The following XRCC1 variants were observed in gnomAD, a reference collection of about 807,000 sequenced individuals.
The protein encoded by XRCC1 is X-ray repair cross complementing 1, also known as DNA repair protein XRCC1.
A neutral mutation model predicts 83.3 loss-of-function variants in XRCC1; 52 were observed. That is an observed-to-expected ratio of 0.62 (90% CI 0.50 to 0.79). The LOEUF (loss-of-function observed/expected upper bound fraction) is 0.79, where lower values mean the gene tolerates loss of function less well. Among genes scored for constraint, XRCC1 ranks in the 30% least tolerant of loss-of-function variants. XRCC1 has a pLI of 0.00. For synonymous variants in XRCC1, 281 were observed against 312.6 expected (o/e 0.90, Z 1.07); for missense variants, 793 against 823.5 (o/e 0.96, Z 0.45).
rs1385854979 is a variant in XRCC1, at chr19:43,574,213, T to C, written c.144+697A>G. 3.9e-5 allele frequency among the ~76,000 whole-genome samples: 6 copies of C among 152,086 alleles called. No individual in the cohort carries two copies. In the East Asian group the frequency reaches 7.8e-4, roughly 20 times the overall value. ...ACCTCAGACTCGCCAGTAGCTGGGA[T>C]TGCAGGTGCACACCACCATACTCAG... is the stretch of plus-strand genomic sequence containing the variant. On this transcript the variant is annotated intron_variant, in intron 2 of 16. Transcript: ENST00000262887.
rs908553691 is a variant in XRCC1 at position 43,573,023 on chromosome 19, T to C, written c.144+1887A>G. ...TCACAGTTCACTGCAGCTTCAACCT[T>C]ATGGGCTCAATCAATCCTCCCCGCT... On this transcript the variant is annotated intron_variant, in intron 2 of 16. Coordinates refer to ENST00000262887, the MANE Select transcript of XRCC1 (RefSeq NM_006297.3). 2.0e-4 allele frequency among the ~76,000 whole-genome samples: 29 copies of C among 147,446 alleles called. No homozygotes were observed. The East Asian group carries it at 5.3e-3, about 27-fold the overall frequency.
chr19:43,554,854 A>G (rs942094272), intron 3 of XRCC1, 50 bp from the exon 4 acceptor site: 1 of 1,578,460 alleles, frequency 6.3e-7, no homozygotes, highest in African/African-American at 1.4e-5. Flanking sequence ...GTTGGCTTAG[A>G]TGAGAGCTTC....
intron 8 of XRCC1, 39 bp from the exon 9 acceptor site, chr19:43,552,314 G>C: frequency 6.8e-7 from 1 of 1,472,278 alleles, no homozygotes; most frequent in Non-Finnish European, 9.2e-7. Context: ...AGCACCACTG[G>C]GGGTCAACCC....
At chr19:43,545,247 A>G (rs552022748) in intron 14 of XRCC1, among the ~76,000 whole-genome samples, 4 of 152,016 alleles carry the variant, frequency 2.6e-5, no homozygotes, top group African/African-American at 9.7e-5. Context: ...TGCTCCCTTC[A>G]TTCTCGAAGA....
chr19:43,566,707 C>T (rs905397234), intron 2 of XRCC1, among the ~76,000 whole-genome samples: 10 of 151,310 alleles, frequency 6.6e-5, no homozygotes, highest in African/African-American at 2.4e-4. Context: ...GGCGAAACCC[C>T]GTCTCTACTA....
intron 10 of XRCC1, among the ~76,000 whole-genome samples, chr19:43,551,294 C>T (rs916269688): frequency 1.3e-5 from 2 of 152,206 alleles, no homozygotes; most frequent in African/African-American, 4.8e-5. Context: ...AATATGGACC[C>T]TAACACTTGT....
intron 10 of XRCC1, among the ~76,000 whole-genome samples, chr19:43,548,218 C>T (rs1385774085): frequency 6.6e-6 from 1 of 152,032 alleles, no homozygotes; most frequent in Non-Finnish European, 1.5e-5. Flanking sequence ...TGCCCGGCCG[C>T]CCCTTCTGGG....
intron 3 of XRCC1, among the ~76,000 whole-genome samples, chr19:43,557,792 CAAAAAAAAAAAAAAAAA>C (rs35267441): frequency 2.4e-5 from 1 of 41,002 alleles, no homozygotes; most frequent in Admixed American, 3.9e-4. Context: ...AATTCCATCT[CAAAAAAAAAAAAAAAAA>C]AAAAAAAAAA....
At chr19:43,563,774 T>C (rs915041104) in intron 2 of XRCC1, among the ~76,000 whole-genome samples, 2 of 152,096 alleles carry the variant, frequency 1.3e-5, no homozygotes, top group African/African-American at 4.8e-5. Context: ...GCCCCCTACC[T>C]GGTGCCACTC....
intron 3 of XRCC1, among the ~76,000 whole-genome samples, chr19:43,557,792 C>CAAAAAAAAAA (rs35267441): frequency 1.2e-4 from 5 of 41,014 alleles, no homozygotes; most frequent in African/African-American, 1.6e-4. Context: ...AATTCCATCT[C>CAAAAAAAAAA]AAAAAAAAAA....
chr19:43,572,513 A>G (rs1972814729), intron 2 of XRCC1, among the ~76,000 whole-genome samples: 1 of 152,236 alleles, frequency 6.6e-6, no homozygotes, highest in South Asian at 2.1e-4. Context: ...TCACAGTTTA[A>G]AAGACTGAGG....
In XRCC1 at chr19:43,552,245, G is replaced by A; in HGVS notation, c.854C>T (p.Ala285Val). The A allele has an allele frequency of 1.2e-6, 2 of 1,611,464 alleles. No homozygotes were observed. The highest frequency in any genetic ancestry group is 8.5e-7 in the Non-Finnish European group (1 of 1,179,164). ...CCCCTGTGCTCGGGCAGGGACTGGG[G>A]CTGTGGCTGGGGTACGAGTTGGAGC... Reference protein sequence around the residue: ...LPAPTRTPATAPVPARAQGAV... With the variant: ...LPAPTRTPATVPVPARAQGAV... The change falls in exon 9 of 17, where the codon GCC becomes GTC. Residue 285 changes from alanine to valine, a missense_variant. Transcript: ENST00000262887.
intron 2 of XRCC1, 71 bp downstream of exon 2, chr19:43,574,839 G>C: frequency 1.6e-6 from 2 of 1,288,278 alleles, no homozygotes; most frequent in Non-Finnish European, 2.3e-6. Context: ...ACTGCCAGTT[G>C]GCTCAGGAGC....
chr19:43,561,102 G>C (rs1972694695), intron 2 of XRCC1, 82 bp from the exon 3 acceptor site: 1 of 1,093,074 alleles, frequency 9.1e-7, no homozygotes, highest in South Asian at 1.3e-5. Flanking sequence ...ATCTCCTTTG[G>C]ATCACCATGT....
intron 2 of XRCC1, among the ~76,000 whole-genome samples, chr19:43,562,695 T>A (rs1268462648): frequency 6.6e-6 from 1 of 152,082 alleles, no homozygotes; most frequent in South Asian, 2.1e-4. Flanking sequence ...CAGTGAGTCA[T>A]GTTCGCATCA....
chr19:43,551,557 G>A lies in XRCC1; in HGVS notation c.1199+14C>T, dbSNP rs56069074. On this transcript the variant is annotated intron_variant, in intron 10 of 16. Coordinates refer to ENST00000262887, the MANE Select transcript of XRCC1 (RefSeq NM_006297.3). ...GCACAGGATAAGGAGCAGGGTTGGC[G>A]TGTGAGGCCTTACCTCTGGGAGGGC... The A allele has an allele frequency of 1.1e-4, 172 of 1,605,960 alleles. No individual in the cohort carries two copies. In the East Asian group the frequency reaches 2.0e-3, roughly 19 times the overall value.
chr19:43,575,452 C>T lies in XRCC1; in HGVS notation c.7G>A (p.Glu3Lys), dbSNP rs778759395. 1 of 1,612,266 alleles carries T rather than the reference C, an allele frequency of 6.2e-7. No homozygotes were observed. The highest frequency in any genetic ancestry group is 8.5e-7 in the Non-Finnish European group (1 of 1,178,686). The change falls in exon 1 of 17, where the codon GAG (glutamate) becomes AAG (lysine). Residue 3 changes from glutamate to lysine, a missense_variant. Physicochemically the swap from Glu to Lys is moderately conservative, Grantham distance 56. Transcript: ENST00000262887. ...GACACGACATGGCGGAGGCGGATCT[C>T]CGGCATGTCAACGTCGTGGGCTTCG... The part of the protein sequence containing the change: MP[E>K]IRLRHVVSCS...
In XRCC1 at chr19:43,552,815, C is replaced by T; in HGVS notation, c.805G>A (p.Val269Ile). ...AGCTCACATTTAGGTCTCTTGGGAA[C>T]AGATGGCGACAGCTGGGCTGGTGGT... ...SKPPAQLSPS[V>I]PKRPKLPAPT... The change falls in exon 8 of 17, where the codon GTT (valine) becomes ATT (isoleucine). Residue 269 changes from valine to isoleucine, a missense_variant. By Grantham distance (29) the Val-to-Ile change is conservative (BLOSUM62 3). Transcript: ENST00000262887. The T allele has an allele frequency of 6.2e-7, 1 of 1,610,286 alleles. No individual in the cohort carries two copies. Among genetic ancestry groups the T allele is most frequent in the Middle Eastern group, 1.7e-4 (1 of 6,026 alleles).
At chr19:43,561,311 G>C (rs1045469874) in intron 2 of XRCC1, among the ~76,000 whole-genome samples, 1 of 152,174 alleles carries the variant, frequency 6.6e-6, no homozygotes, top group South Asian at 2.1e-4. Flanking sequence ...CACTGCCATA[G>C]AGCTCTCCTT....
Sources: gnomAD v4.1 joint callset for allele counts (sites outside exome capture counted in the v4.1 genomes callset) on GRCh38, gnomAD v4.1.1 for gene constraint, MANE v1.5 for transcripts, NCBI Gene and HGNC (gene_info 2026-07-23, HGNC 2026-07-21) for gene names.